Variants in LRRC4C observed in about 807,000 individuals in gnomAD.
The protein encoded by LRRC4C is leucine rich repeat containing 4C.
A neutral mutation model predicts 33.6 loss-of-function variants in LRRC4C; 5 were observed. That is an observed-to-expected ratio of 0.15 (90% CI 0.08 to 0.31). The LOEUF (loss-of-function observed/expected upper bound fraction) is 0.31. Ranked by LOEUF, LRRC4C falls within the 10% of genes least tolerant of loss-of-function variation. LRRC4C has a pLI of 1.00. For synonymous variants in LRRC4C, 329 were observed against 302.0 expected, an observed-to-expected ratio of 1.09 and a Z score of -0.93; for missense variants, 560 against 796.7, an observed-to-expected ratio of 0.70 and a Z score of 3.58.
At chr11:41,420,366 A>G (rs922777889) in intron 1 of LRRC4C, among the ~76,000 whole-genome samples, 1 of 151,940 alleles carries the variant, frequency 6.6e-6, no homozygotes, top group African/African-American at 2.4e-5. Context: ...TGATTCCATA[A>G]TCATTTTTTC....
chr11:40,331,138 G>T (rs941348668), intron 3 of LRRC4C, among the ~76,000 whole-genome samples: 6 of 152,164 alleles, frequency 3.9e-5, no homozygotes, highest in Non-Finnish European at 8.8e-5. Context: ...ACAAATGCTG[G>T]TGAGAACAGG....
chr11:40,201,003 T>A (rs908617723), intron 5 of LRRC4C, among the ~76,000 whole-genome samples: 5 of 152,142 alleles, frequency 3.3e-5, no homozygotes, highest in Admixed American at 1.3e-4. Flanking sequence ...CAAACCTTTA[T>A]GCAATAAGTT....
rs187885380 is a variant in LRRC4C, at chr11:40,715,516, C to A, written c.-406-67238G>T. On this transcript the variant is annotated intron_variant, in intron 2 of 6. Coordinates refer to ENST00000528697, the MANE Select transcript of LRRC4C (RefSeq NM_001258419.2). ...GAAATATTGAATGTGTACCTACCTA[C>A]GTATGATGTAGAACTTGTATTCCTA... Among the ~76,000 whole-genome samples, 764 of 152,264 alleles carry A rather than the reference C, an allele frequency of 5.0e-3. 4 individuals carry two copies. Among genetic ancestry groups the A allele is most frequent in the Middle Eastern group, 0.01 (3 of 294 alleles).
At chr11:40,895,636 C>T (rs978711991) in intron 2 of LRRC4C, among the ~76,000 whole-genome samples, 1 of 151,974 alleles carries the variant, frequency 6.6e-6, no homozygotes, top group South Asian at 2.1e-4. Context: ...TTGTCTGAAC[C>T]CAAGTCTCTA....
At chr11:41,089,983 CA>C (rs1406576855) in intron 1 of LRRC4C, among the ~76,000 whole-genome samples, 6 of 150,882 alleles carry the variant, frequency 4.0e-5, no homozygotes, top group African/African-American at 1.5e-4. Context: ...TGATTGGAAA[CA>C]ATTTAATAGT....
At chr11:41,397,288 C>T (rs540545123) in intron 1 of LRRC4C, among the ~76,000 whole-genome samples, 4 of 151,972 alleles carry the variant, frequency 2.6e-5, no homozygotes, top group African/African-American at 9.6e-5. Flanking sequence ...CCTCTTTTGC[C>T]CTTGCCACCA....
chr11:40,945,612 T>G (rs1389853231), intron 1 of LRRC4C, among the ~76,000 whole-genome samples: 5 of 152,140 alleles, frequency 3.3e-5, no homozygotes, highest in African/African-American at 9.7e-5. Context: ...CGCTGACAAG[T>G]CTTGTCAAGA....
At chr11:41,031,459 C>T (rs560838075) in intron 1 of LRRC4C, among the ~76,000 whole-genome samples, 5 of 151,906 alleles carry the variant, frequency 3.3e-5, no homozygotes, top group Non-Finnish European at 7.4e-5. Context: ...AACTGTAAAA[C>T]AGACATTTTA....
intron 1 of LRRC4C, among the ~76,000 whole-genome samples, chr11:41,433,838 T>C (rs965739672): frequency 6.6e-6 from 1 of 151,632 alleles, no homozygotes; most frequent in Admixed American, 6.6e-5. Context: ...TATATATGCG[T>C]ATATATATAA....
At chr11:41,234,255 G>A (rs955226721) in intron 1 of LRRC4C, among the ~76,000 whole-genome samples, 1 of 151,920 alleles carries the variant, frequency 6.6e-6, no homozygotes, top group Non-Finnish European at 1.5e-5. Flanking sequence ...ATGAAATTGT[G>A]TATATTTATC....
At chr11:40,665,656 T>A (rs1943765833) in intron 2 of LRRC4C, among the ~76,000 whole-genome samples, 2 of 151,818 alleles carry the variant, frequency 1.3e-5, no homozygotes, top group African/African-American at 2.4e-5. Context: ...AAATAGAAAG[T>A]CATTTATACT....
At chr11:40,207,374 A>G (rs1863238147) in intron 5 of LRRC4C, among the ~76,000 whole-genome samples, 1 of 152,114 alleles carries the variant, frequency 6.6e-6, no homozygotes, top group African/African-American at 2.4e-5. Flanking sequence ...GAGACAGGAG[A>G]ACTGCTTGAG....
intron 1 of LRRC4C, among the ~76,000 whole-genome samples, chr11:40,942,960 G>A: frequency 6.6e-6 from 1 of 152,136 alleles, no homozygotes; most frequent in East Asian, 1.9e-4. Context: ...TAGTGACACA[G>A]GATCATGTGA....
intron 6 of LRRC4C, among the ~76,000 whole-genome samples, chr11:40,124,929 A>G (rs116059082): frequency 0.045 from 6,856 of 152,080 alleles, 223 homozygotes; most frequent in African/African-American, 0.077. Flanking sequence ...AAATATATAC[A>G]CCTACTATGT....
chr11:40,876,367 T>C (rs1267847351), intron 2 of LRRC4C, among the ~76,000 whole-genome samples: 2 of 148,912 alleles, frequency 1.3e-5, no homozygotes, highest in African/African-American at 4.9e-5. Context: ...TGGCTCAGTC[T>C]CGTTCAAAGT....
intron 2 of LRRC4C, among the ~76,000 whole-genome samples, chr11:40,863,862 G>A (rs1565147154): frequency 6.6e-6 from 1 of 152,094 alleles, no homozygotes; most frequent in East Asian, 1.9e-4. Context: ...ACTTATTTAA[G>A]TTGTGTTCAT....
chr11:40,579,759 A>ACAACAAC (rs113624402), intron 3 of LRRC4C, among the ~76,000 whole-genome samples: 1 of 152,022 alleles, frequency 6.6e-6, no homozygotes, highest in African/African-American at 2.4e-5. Flanking sequence ...AACAACAACA[A>ACAACAAC]AAAACAGTGT....
rs148694208 is a variant in LRRC4C, at chr11:40,581,122, T to C, written c.-270+67020A>G. Reference sequence around the variant, plus strand: ...ATTCTCCTCTCTGAAACCGTTATCTTTGGGGCATGACAAATGTGCTTTGGT... The same window carrying C: ...ATTCTCCTCTCTGAAACCGTTATCTCTGGGGCATGACAAATGTGCTTTGGT... On this transcript the variant is annotated intron_variant, in intron 3 of 6. Coordinates refer to ENST00000528697, the MANE Select transcript of LRRC4C (RefSeq NM_001258419.2). 1.1e-4 allele frequency among the ~76,000 whole-genome samples: 17 copies of C among 152,354 alleles called. No individual in the cohort carries two copies. The East Asian group carries it at 2.7e-3, about 24-fold the overall frequency.
At chr11:40,758,524 C>T (rs938466189) in intron 2 of LRRC4C, among the ~76,000 whole-genome samples, 15 of 151,972 alleles carry the variant, frequency 9.9e-5, no homozygotes, top group South Asian at 4.2e-4. Flanking sequence ...GATTTGTTTC[C>T]GGTTTTTGTG....
Sources: allele counts gnomAD v4.1 joint callset (sites outside exome capture counted in the v4.1 genomes callset), GRCh38; gene constraint gnomAD v4.1.1; transcripts MANE v1.5; gene names NCBI Gene and HGNC (gene_info 2026-07-23, HGNC 2026-07-21).